Variants in DNER observed in about 807,000 individuals in gnomAD.
The protein encoded by DNER is delta and Notch-like epidermal growth factor-related receptor.
DNER carries 33 observed loss-of-function variants against 78.2 expected under a neutral mutation model. The ratio of observed to expected loss-of-function variants is 0.42; its 90% CI spans 0.32 to 0.56. The LOEUF (loss-of-function observed/expected upper bound fraction) is 0.56, where lower values mean the gene tolerates loss of function less well. DNER is among the 20% of genes least tolerant of loss of function. The pLI is 0.11. For missense variants in DNER, 918 were observed against 975.3 expected (o/e 0.94, Z 0.78); for synonymous variants, 417 against 384.8 (o/e 1.08, Z -0.98).
intron 4 of DNER, among the ~76,000 whole-genome samples, chr2:229,557,555 C>A (rs1481879206): frequency 6.6e-6 from 1 of 151,740 alleles, no homozygotes; most frequent in African/African-American, 2.4e-5. Context: ...ACATAGGAGG[C>A]AATGAAGGTG....
intron 4 of DNER, among the ~76,000 whole-genome samples, chr2:229,568,925 A>G (rs563418966): frequency 7.9e-5 from 12 of 152,262 alleles, no homozygotes; most frequent in Admixed American, 3.9e-4. Flanking sequence ...TAAATGACCT[A>G]TGTGCATATA....
chr2:229,466,228 G>A lies in DNER; in HGVS notation c.1261+10912C>T, dbSNP rs114112788. ...CACTGCTTAAAGGTCTACCTGAGCC[G>A]ACTCCTACTTCTCTCTCTAGCCTTC... is the stretch of plus-strand genomic sequence containing the variant. On this transcript the variant is annotated intron_variant, in intron 7 of 12. Transcript: ENST00000341772. Among the ~76,000 whole-genome samples the A allele has an allele frequency of 3.0e-3, 455 of 152,136 alleles. 3 individuals carry two copies. Among genetic ancestry groups the A allele is most frequent in the African/African-American group, 0.01 (416 of 41,516 alleles).
At chr2:229,549,205 G>A (rs749222290) in intron 4 of DNER, among the ~76,000 whole-genome samples, 7 of 152,260 alleles carry the variant, frequency 4.6e-5, no homozygotes, top group Non-Finnish European at 1.0e-4. Flanking sequence ...TGGAGCTTCT[G>A]ACCACCTATA....
intron 10 of DNER, among the ~76,000 whole-genome samples, chr2:229,399,321 C>T (rs1200440575): frequency 6.6e-6 from 1 of 151,760 alleles, no homozygotes; most frequent in East Asian, 1.9e-4. Flanking sequence ...CACACACACA[C>T]ATGCATATAT....
chr2:229,635,108 A>G (rs1222130100), intron 1 of DNER, among the ~76,000 whole-genome samples: 6 of 152,216 alleles, frequency 3.9e-5, no homozygotes, highest in Non-Finnish European at 7.3e-5. Context: ...TTGTTAACAC[A>G]GTGAAATACT....
chr2:229,592,154 G>A (rs62193109), intron 1 of DNER, among the ~76,000 whole-genome samples: 4,499 of 152,214 alleles, frequency 0.03, 88 homozygotes, highest in Non-Finnish European at 0.045. Context: ...CAATAATGTC[G>A]ATTTCAGTAA....
chr2:229,553,542 G>A (rs544947807), intron 4 of DNER, among the ~76,000 whole-genome samples: 163 of 152,276 alleles, frequency 1.1e-3, no homozygotes, highest in African/African-American at 3.6e-3. Context: ...AATTGGTGAA[G>A]GGAACCCATC....
chr2:229,535,559 A>C (rs1696385580), intron 5 of DNER, among the ~76,000 whole-genome samples: 1 of 152,130 alleles, frequency 6.6e-6, no homozygotes, highest in Non-Finnish European at 1.5e-5. Flanking sequence ...CTATCCTCTA[A>C]TAGCAGCAAC....
chr2:229,564,201 C>A (rs1415608740), intron 4 of DNER, among the ~76,000 whole-genome samples: 1 of 150,144 alleles, frequency 6.7e-6, no homozygotes. Flanking sequence ...ATCACCCCAC[C>A]ACTATCATCA....
chr2:229,585,866 T>A lies in DNER; in HGVS notation c.839A>T (p.His280Leu). ...AGATTTTGGTAACTCACCAATAAAG[T>A]GATTATTCCCCAAGGCGAGCATCTC... Reference protein sequence around the residue: ...LEEMLALGNNHFIGFVNDSVT... With the variant: ...LEEMLALGNNLFIGFVNDSVT... Residue 280 changes from histidine to leucine, a missense_variant, in exon 4 of 13, where the codon CAC becomes CTC. By Grantham distance (99) the His-to-Leu change is moderately conservative. Transcript: ENST00000341772. 1 of 1,613,660 alleles carries A rather than the reference T, an allele frequency of 6.2e-7. No homozygotes were observed.
At chr2:229,491,950 TACACACAC>T (rs58442076) in intron 6 of DNER, among the ~76,000 whole-genome samples, 14 of 149,768 alleles carry the variant, frequency 9.3e-5, no homozygotes, top group African/African-American at 1.2e-4. Context: ...TTGCCATGAT[TACACACAC>T]ACACACACAC....
chr2:229,485,025 G>A (rs1444337113), intron 6 of DNER, among the ~76,000 whole-genome samples: 4 of 152,138 alleles, frequency 2.6e-5, no homozygotes, highest in Non-Finnish European at 5.9e-5. Context: ...ATTTATAATT[G>A]GGATATTCTA....
chr2:229,574,823 G>A (rs1697268982), intron 4 of DNER, among the ~76,000 whole-genome samples: 2 of 152,186 alleles, frequency 1.3e-5, no homozygotes, highest in South Asian at 4.2e-4. Flanking sequence ...AGAAAGAGAA[G>A]AGATGCTACA....
intron 6 of DNER, among the ~76,000 whole-genome samples, chr2:229,496,644 AGG>A (rs1349099931): frequency 1.3e-5 from 2 of 152,210 alleles, no homozygotes; most frequent in Non-Finnish European, 2.9e-5. Flanking sequence ...AAAAGAGAGC[AGG>A]GATAGCTCCA....
rs114120838 is a variant in DNER, at chr2:229,631,764, T to C, written c.277-39876A>G. 5.3e-3 allele frequency among the ~76,000 whole-genome samples: 804 copies of C among 152,200 alleles called. 7 individuals are homozygous for C. The highest frequency in any genetic ancestry group is 0.018 in the African/African-American group (742 of 41,514). On this transcript the variant is annotated intron_variant, in intron 1 of 12. Coordinates refer to ENST00000341772, the MANE Select transcript of DNER (RefSeq NM_139072.4). ...AGTCACCAGTGCTTCCATCTCCACATCTTCACGAAAGAGCAAAAGAAAAGA... is the reference window on the plus strand; with the variant it reads ...AGTCACCAGTGCTTCCATCTCCACACCTTCACGAAAGAGCAAAAGAAAAGA...
chr2:229,375,770 G>A (rs1692583460), intron 11 of DNER, among the ~76,000 whole-genome samples: 1 of 152,178 alleles, frequency 6.6e-6, no homozygotes, highest in Admixed American at 6.5e-5. Context: ...GCTATGATCT[G>A]AATGTATGTG....
chr2:229,571,606 C>G (rs1358415926), intron 4 of DNER, among the ~76,000 whole-genome samples: 1 of 152,154 alleles, frequency 6.6e-6, no homozygotes, highest in East Asian at 1.9e-4. Context: ...CCCTGGCCTC[C>G]CCGTGAATTG....
chr2:229,686,117 T>C (rs1234870136), intron 1 of DNER, among the ~76,000 whole-genome samples: 1 of 152,114 alleles, frequency 6.6e-6, no homozygotes, highest in Non-Finnish European at 1.5e-5. Flanking sequence ...GAGCTGGATT[T>C]GTGTTCTTAT....
intron 1 of DNER, among the ~76,000 whole-genome samples, chr2:229,614,093 G>C (rs1226498843): frequency 6.6e-6 from 1 of 150,458 alleles, no homozygotes; most frequent in Non-Finnish European, 1.5e-5. Context: ...CGAGTTAATG[G>C]GTGCAGCACA....
Sources: gnomAD v4.1 joint callset for allele counts (sites outside exome capture counted in the v4.1 genomes callset) on GRCh38, gnomAD v4.1.1 for gene constraint, MANE v1.5 for transcripts, NCBI Gene and HGNC (gene_info 2026-07-23, HGNC 2026-07-21) for gene names.